Variants in CNTN6 observed in about 807,000 individuals in gnomAD.
CNTN6 encodes contactin 6.
In CNTN6, 137 loss-of-function variants were observed where a neutral mutation model predicts 122.8. The observed-to-expected ratio is 1.12, with a 90% CI of 0.97 to 1.29. The LOEUF (loss-of-function observed/expected upper bound fraction) is 1.29, where lower values mean the gene tolerates loss of function less well. Ranked by LOEUF, CNTN6 falls within the 50% of genes most tolerant of loss-of-function variation. The pLI is 0.00. For synonymous variants in CNTN6, 570 were observed against 426.0 expected, an observed-to-expected ratio of 1.34 and a Z score of -4.16; for missense variants, 1,634 against 1,223.4, an observed-to-expected ratio of 1.34 and a Z score of -5.01.
chr3:1,108,910 T>C (rs540464327), intron 1 of CNTN6, among the ~76,000 whole-genome samples: 59 of 152,148 alleles, frequency 3.9e-4, no homozygotes, highest in African/African-American at 1.4e-3. Context: ...TTAGACACTT[T>C]AAGAGAACAT....
At chr3:1,129,987 T>C (rs532593792) in intron 1 of CNTN6, among the ~76,000 whole-genome samples, 40 of 152,234 alleles carry the variant, frequency 2.6e-4, no homozygotes, top group African/African-American at 8.9e-4. Context: ...ATTTTTAATG[T>C]TGAGTTTAAG....
chr3:1,280,569 A>G (rs972625281), intron 5 of CNTN6, among the ~76,000 whole-genome samples: 12 of 144,036 alleles, frequency 8.3e-5, no homozygotes, highest in Admixed American at 6.7e-4. Context: ...GGTTCAAGCG[A>G]TTCTCCTACC....
intron 2 of CNTN6, among the ~76,000 whole-genome samples, chr3:1,178,058 G>A (rs1454391919): frequency 6.6e-6 from 1 of 151,696 alleles, no homozygotes; most frequent in Non-Finnish European, 1.5e-5. Context: ...CAACCACCAC[G>A]CCTGATTAAT....
At chr3:1,154,444 C>CTTTTT (rs140096028) in intron 2 of CNTN6, among the ~76,000 whole-genome samples, 2 of 147,472 alleles carry the variant, frequency 1.4e-5, no homozygotes, top group African/African-American at 5.1e-5. Flanking sequence ...CTTTTCTTTT[C>CTTTTT]TTTCTTTTTT....
chr3:1,237,068 G>A (rs936771181), intron 4 of CNTN6, among the ~76,000 whole-genome samples: 6 of 151,710 alleles, frequency 4.0e-5, no homozygotes, highest in Non-Finnish European at 5.9e-5. Context: ...GCAACAGTGC[G>A]AGACTCTGTT....
At chr3:1,139,523 T>A (rs1209013920) in intron 1 of CNTN6, among the ~76,000 whole-genome samples, 1 of 152,080 alleles carries the variant, frequency 6.6e-6, no homozygotes, top group Non-Finnish European at 1.5e-5. Flanking sequence ...CAGCTCCTCA[T>A]CTTGCAAGAA....
At chr3:1,390,923 C>T (rs1487683464) in intron 20 of CNTN6, among the ~76,000 whole-genome samples, 2 of 150,298 alleles carry the variant, frequency 1.3e-5, no homozygotes, top group Admixed American at 6.6e-5. Flanking sequence ...AATAGTTTAC[C>T]AACCAAAAAG....
chr3:1,339,813 T>C (rs970300274), intron 11 of CNTN6, among the ~76,000 whole-genome samples: 6 of 152,158 alleles, frequency 3.9e-5, no homozygotes, highest in African/African-American at 1.4e-4. Context: ...CATCCAAGAA[T>C]TGACTCTTTG....
At chr3:1,137,778 C>G (rs905304965) in intron 1 of CNTN6, among the ~76,000 whole-genome samples, 38 of 152,130 alleles carry the variant, frequency 2.5e-4, no homozygotes, top group African/African-American at 9.2e-4. Flanking sequence ...TATTAAGTGT[C>G]TGGTAGATTT....
chr3:1,125,120 T>C (rs2092112436), intron 1 of CNTN6, among the ~76,000 whole-genome samples: 1 of 152,028 alleles, frequency 6.6e-6, no homozygotes, highest in Non-Finnish European at 1.5e-5. Context: ...TAATGTTTTA[T>C]GTGTGTACAC....
intron 11 of CNTN6, among the ~76,000 whole-genome samples, chr3:1,341,740 G>C (rs796464566): frequency 9.2e-5 from 14 of 152,246 alleles, no homozygotes; most frequent in African/African-American, 3.1e-4. Flanking sequence ...CTGAATATTT[G>C]ATGCTTCCTT....
At chr3:1,276,055 T>TA (rs775390634) in intron 4 of CNTN6, among the ~76,000 whole-genome samples, 31 of 152,284 alleles carry the variant, frequency 2.0e-4, no homozygotes, top group Non-Finnish European at 3.8e-4. Context: ...GTAAGGTTGT[T>TA]AAAAAATAAG....
Position 1,280,288 on chromosome 3 carries a change from C to A in CNTN6, c.454+1780C>A, listed in dbSNP as rs142163324. On this transcript the variant is annotated intron_variant, in intron 5 of 22. Coordinates refer to ENST00000446702, the MANE Select transcript of CNTN6 (RefSeq NM_001289080.2). The stretch of plus-strand genomic sequence containing the variant: ...GTCCTTGTTACCTTGTCACCTATCA[C>A]CATTAAAGGATATGTGGATCTTTTA... 2.5e-3 allele frequency among the ~76,000 whole-genome samples: 373 copies of A among 152,042 alleles called. 6 individuals carry two copies. The highest frequency in any genetic ancestry group is 8.7e-3 in the African/African-American group (360 of 41,466).
At chr3:1,103,046 C>T (rs934610773) in intron 1 of CNTN6, among the ~76,000 whole-genome samples, 10 of 151,688 alleles carry the variant, frequency 6.6e-5, no homozygotes, top group African/African-American at 2.2e-4. Flanking sequence ...GCGGAGCTTG[C>T]AGTGAGCCAA....
chr3:1,357,891 A>G (rs573223722), intron 12 of CNTN6, among the ~76,000 whole-genome samples: 10 of 151,178 alleles, frequency 6.6e-5, no homozygotes, highest in Middle Eastern at 3.4e-3. Context: ...TAAAATTTAC[A>G]TATAATAAAA....
At chr3:1,214,148 C>G (rs9813937) in intron 2 of CNTN6, among the ~76,000 whole-genome samples, 59,614 of 151,622 alleles carry the variant, frequency 0.39, 12,773 homozygotes, top group East Asian at 0.87. Flanking sequence ...ATTCCTCTTT[C>G]ATTCTCAAGA....
At chr3:1,221,152 A>AGAGAGAGAGAAGAGAGATAGGG (rs1414176777) in intron 3 of CNTN6, among the ~76,000 whole-genome samples, 1 of 152,086 alleles carries the variant, frequency 6.6e-6, no homozygotes, top group Admixed American at 6.6e-5. Context: ...CAGAAATGAG[A>AGAGAGAGAGAAGAGAGATAGGG]GAGAGAGAGA....
chr3:1,184,434 T>C (rs1049312223), intron 2 of CNTN6, among the ~76,000 whole-genome samples: 1 of 152,214 alleles, frequency 6.6e-6, no homozygotes, highest in African/African-American at 2.4e-5. Flanking sequence ...TTGTCTTGCC[T>C]GTTACCAAGC....
At chr3:1,342,555 G>A (rs1433698655) in intron 11 of CNTN6, among the ~76,000 whole-genome samples, 4 of 151,592 alleles carry the variant, frequency 2.6e-5, no homozygotes, top group Non-Finnish European at 4.4e-5. Flanking sequence ...CTCTTCCTAC[G>A]GCCCATAAAT....
Sources: gnomAD v4.1 joint callset for allele counts (sites outside exome capture counted in the v4.1 genomes callset) on GRCh38, gnomAD v4.1.1 for gene constraint, MANE v1.5 for transcripts, NCBI Gene and HGNC (gene_info 2026-07-23, HGNC 2026-07-21) for gene names.